DSCAM: variants seen among roughly 807,000 people sequenced by gnomAD.
DSCAM encodes DS cell adhesion molecule, also known as cell adhesion molecule DSCAM.
A neutral mutation model predicts 217.7 loss-of-function variants in DSCAM; 47 were observed. The ratio of observed to expected loss-of-function variants is 0.22; its 90% CI spans 0.17 to 0.28. DSCAM has a LOEUF of 0.28. Ranked by LOEUF, DSCAM falls within the 10% of genes least tolerant of loss-of-function variation. The pLI, the probability that DSCAM is intolerant of heterozygous loss-of-function variation, is 1.00. For synonymous variants in DSCAM, 1,056 were observed against 1,015.3 expected (o/e 1.04, Z -0.76); for missense variants, 2,080 against 2,618.3 (o/e 0.79, Z 4.49).
rs144360149 is a variant in DSCAM at position 40,317,477 on chromosome 21, T to C, written c.1784-5118A>G. Among the ~76,000 whole-genome samples the C allele has an allele frequency of 6.3e-3, 955 of 152,314 alleles. 11 individuals are homozygous for C. Among genetic ancestry groups the C allele is most frequent in the African/African-American group, 0.021 (869 of 41,580 alleles). On this transcript the variant is annotated intron_variant, in intron 8 of 32. Coordinates refer to ENST00000400454, the MANE Select transcript of DSCAM (RefSeq NM_001389.5). ...AGGAGATCTATCAAGTTTATCTTTT[T>C]TATTTCCCACAACTAGTGGGATAAA...
chr21:40,444,798 C>A (rs1273288353), intron 3 of DSCAM, among the ~76,000 whole-genome samples: 2 of 152,152 alleles, frequency 1.3e-5, no homozygotes, highest in South Asian at 4.1e-4. Flanking sequence ...TGAACAATGG[C>A]AGATTACATA....
intron 3 of DSCAM, among the ~76,000 whole-genome samples, chr21:40,675,014 A>ACACACAC (rs2090321557): frequency 7.7e-6 from 1 of 129,046 alleles, no homozygotes; most frequent in Admixed American, 7.3e-5. Context: ...TCATTATATA[A>ACACACAC]ACACACACAC....
intron 10 of DSCAM, among the ~76,000 whole-genome samples, chr21:40,293,820 G>A (rs980565942): frequency 6.6e-6 from 1 of 151,760 alleles, no homozygotes; most frequent in East Asian, 1.9e-4. Flanking sequence ...GCAAGACTCT[G>A]TCTCCAGAAA....
At chr21:40,224,792 A>G (rs2091317001) in intron 11 of DSCAM, among the ~76,000 whole-genome samples, 6 of 152,204 alleles carry the variant, frequency 3.9e-5, no homozygotes, top group Admixed American at 3.9e-4. Flanking sequence ...TATTGGGACA[A>G]CCATCTCTAA....
At chr21:40,059,766 T>A (rs2089085365) in intron 28 of DSCAM, among the ~76,000 whole-genome samples, 1 of 152,244 alleles carries the variant, frequency 6.6e-6, no homozygotes, top group South Asian at 2.1e-4. Context: ...AACCAGCTTA[T>A]GGCCACATGG....
At chr21:40,402,974 C>G (rs1472071761) in intron 3 of DSCAM, among the ~76,000 whole-genome samples, 1 of 151,210 alleles carries the variant, frequency 6.6e-6, no homozygotes, top group Non-Finnish European at 1.5e-5. Flanking sequence ...ATTATACCCC[C>G]CCACCCCATA....
chr21:40,699,283 A>G (rs2090629349), intron 2 of DSCAM, among the ~76,000 whole-genome samples: 1 of 152,198 alleles, frequency 6.6e-6, no homozygotes, highest in Non-Finnish European at 1.5e-5. Flanking sequence ...CCTCACTGAC[A>G]TGCCATTTTC....
intron 11 of DSCAM, among the ~76,000 whole-genome samples, chr21:40,243,637 T>C (rs1167968922): frequency 6.6e-6 from 1 of 152,222 alleles, no homozygotes; most frequent in African/African-American, 2.4e-5. Context: ...CAGCCCTGCC[T>C]GTGACATGGC....
intron 8 of DSCAM, among the ~76,000 whole-genome samples, chr21:40,328,329 C>G (rs898570323): frequency 3.3e-5 from 5 of 152,020 alleles, no homozygotes. Context: ...CACACATTTA[C>G]AGCAAACTGA....
At chr21:40,074,576 C>T (rs1024975284) in intron 27 of DSCAM, among the ~76,000 whole-genome samples, 1 of 152,152 alleles carries the variant, frequency 6.6e-6, no homozygotes, top group Non-Finnish European at 1.5e-5. Context: ...GCTTCAGCTC[C>T]CGTTTCTAAT....
intron 9 of DSCAM, among the ~76,000 whole-genome samples, chr21:40,305,285 G>C (rs370889485): frequency 2.9e-3 from 434 of 151,758 alleles, no homozygotes; most frequent in African/African-American, 9.9e-3. Context: ...AGCTACTCAG[G>C]AAGCTGAGGC....
At chr21:40,499,407 A>G (rs1208675814) in intron 3 of DSCAM, among the ~76,000 whole-genome samples, 1 of 152,170 alleles carries the variant, frequency 6.6e-6, no homozygotes, top group African/African-American at 2.4e-5. Context: ...AAAGCAAACA[A>G]AAAAACCAAA....
chr21:40,029,642 G>A (rs745485026), intron 32 of DSCAM, among the ~76,000 whole-genome samples: 5 of 152,148 alleles, frequency 3.3e-5, no homozygotes, highest in South Asian at 4.1e-4. Context: ...GCCTACCTCT[G>A]CACAGGTCAG....
intron 11 of DSCAM, among the ~76,000 whole-genome samples, chr21:40,198,599 G>A (rs986424793): frequency 2.6e-5 from 4 of 152,196 alleles, no homozygotes; most frequent in Non-Finnish European, 4.4e-5. Flanking sequence ...ACCCAGAAAT[G>A]TTACAGGAGG....
chr21:40,313,334 T>A (rs2123495826), intron 8 of DSCAM, among the ~76,000 whole-genome samples: 1 of 152,288 alleles, frequency 6.6e-6, no homozygotes, highest in Admixed American at 6.5e-5. Flanking sequence ...GATGTATTGC[T>A]AAGGAGGTCG....
intron 4 of DSCAM, among the ~76,000 whole-genome samples, chr21:40,362,482 T>C (rs1055422221): frequency 6.6e-6 from 1 of 152,192 alleles, no homozygotes; most frequent in Non-Finnish European, 1.5e-5. Flanking sequence ...CCACAAAATG[T>C]ATGGTTTTCC....
At chr21:40,170,120 A>G (rs1030881611) in intron 15 of DSCAM, among the ~76,000 whole-genome samples, 2 of 152,150 alleles carry the variant, frequency 1.3e-5, no homozygotes, top group African/African-American at 2.4e-5. Flanking sequence ...CCTGTGTCCC[A>G]GCCATGTCCA....
chr21:40,770,406 G>A (rs7278585), intron 1 of DSCAM, among the ~76,000 whole-genome samples: 2,401 of 152,250 alleles, frequency 0.016, 56 homozygotes, highest in African/African-American at 0.054. Context: ...AAATTGGCCA[G>A]CTTAGGCACC....
intron 16 of DSCAM, among the ~76,000 whole-genome samples, chr21:40,163,011 G>GTA (rs2090556339): frequency 6.7e-6 from 1 of 149,976 alleles, no homozygotes; most frequent in South Asian, 2.1e-4. Context: ...GTTTTGAGAT[G>GTA]TATATAATCA....
Sources: allele counts gnomAD v4.1 joint callset (sites outside exome capture counted in the v4.1 genomes callset), GRCh38; gene constraint gnomAD v4.1.1; transcripts MANE v1.5; gene names NCBI Gene and HGNC (gene_info 2026-07-23, HGNC 2026-07-21).